Variants in FOXK2 observed in about 807,000 individuals in gnomAD.
The protein encoded by FOXK2 is forkhead box K2, also known as forkhead box protein K2.
Under a neutral mutation model 53.3 loss-of-function variants are expected in FOXK2, and 24 were observed. That is an observed-to-expected ratio of 0.45 (90% CI 0.33 to 0.63). The LOEUF (loss-of-function observed/expected upper bound fraction) is 0.63. Ranked by LOEUF, FOXK2 falls within the 30% of genes least tolerant of loss-of-function variation. The pLI is 0.03. For synonymous variants in FOXK2, 505 were observed against 407.1 expected (o/e 1.24, Z -2.89); for missense variants, 952 against 910.5 (o/e 1.05, Z -0.59).
intron 7 of FOXK2, 98 bp from the exon 8 acceptor site, chr17:82,586,965 G>T (rs1306021822): frequency 1.2e-5 from 13 of 1,051,306 alleles, no homozygotes; most frequent in Non-Finnish European, 1.5e-6. Context: ...ACATTTTCTA[G>T]CAGGTGTGAT....
chr17:82,595,852 C>G (rs964083009), intron 8 of FOXK2: 1 of 1,289,224 alleles, frequency 7.8e-7, no homozygotes, highest in Non-Finnish European at 1.0e-6. Flanking sequence ...ACAGCAGGCC[C>G]CATCCAGACA....
intron 1 of FOXK2, among the ~76,000 whole-genome samples, chr17:82,561,469 G>A (rs1051458697): frequency 3.3e-5 from 5 of 152,096 alleles, no homozygotes; most frequent in African/African-American, 4.8e-5. Context: ...AACATCGGGC[G>A]GTAAAGAGAG....
chr17:82,554,410 G>A (rs2044704132), intron 1 of FOXK2, among the ~76,000 whole-genome samples: 1 of 152,172 alleles, frequency 6.6e-6, no homozygotes, highest in Non-Finnish European at 1.5e-5. Context: ...CCTGCACGTT[G>A]CATTTGTAAT....
chr17:82,556,187 T>C (rs949141876), intron 1 of FOXK2, among the ~76,000 whole-genome samples: 4 of 152,136 alleles, frequency 2.6e-5, no homozygotes, highest in Admixed American at 6.6e-5. Flanking sequence ...GGCTCACGCC[T>C]GTAATCCCAG....
chr17:82,548,147 CTACAAG>C (rs1356490474), intron 1 of FOXK2, among the ~76,000 whole-genome samples: 2 of 152,202 alleles, frequency 1.3e-5, no homozygotes, highest in Non-Finnish European at 2.9e-5. Context: ...TGGCAGATAA[CTACAAG>C]TACGAGTGGT....
In FOXK2 at chr17:82,585,957, C is replaced by G. The variant is rs1185183416; in HGVS notation, c.1333C>G (p.Gln445Glu). ...VLITVQRQLPQAIKPVTYTVA... is the reference protein window; with the variant it reads ...VLITVQRQLPEAIKPVTYTVA... ...AATCACCGTCCAGCGGCAGCTACCA[C>G]AGGCCATCAAGCCTGTCACCTACAC... is the stretch of plus-strand genomic sequence containing the variant. The change falls in exon 7 of 9, where the codon CAG becomes GAG. Residue 445 changes from glutamine to glutamate, a missense_variant. Transcript: ENST00000335255. 3.7e-6 allele frequency: 6 copies of G among 1,612,648 alleles called. No individual in the cohort carries two copies. The highest frequency in any genetic ancestry group is 1.3e-5 in the African/African-American group (1 of 74,934).
chr17:82,587,579 G>C, intron 8 of FOXK2: 3 of 421,344 alleles, frequency 7.1e-6, no homozygotes, highest in South Asian at 6.6e-5. Context: ...GGCGGGAGCC[G>C]CCGCGTGTCT....
intron 2 of FOXK2, among the ~76,000 whole-genome samples, chr17:82,563,750 C>CTT (rs1567975420): frequency 0.015 from 1,444 of 94,560 alleles, 88 homozygotes; most frequent in African/African-American, 0.059. Flanking sequence ...TTACTCATTC[C>CTT]CTTTTTTTTT....
At chr17:82,587,711 C>G (rs1040476579) in intron 8 of FOXK2, 4 of 263,924 alleles carry the variant, frequency 1.5e-5, no homozygotes, top group African/African-American at 8.8e-5. Context: ...CACAGAAAAC[C>G]GCACGGATGT....
rs149441840 is a variant in FOXK2, at chr17:82,544,793, G to A, written c.420-18561G>A. On this transcript the variant is annotated intron_variant, in intron 1 of 8. Transcript: ENST00000335255. ...GGGGTGTGCAGAGTGAAGTGCTGGCGGGTGGCCGTCCTCAGTGGCTTTGGG... is the reference window on the plus strand; with the variant it reads ...GGGGTGTGCAGAGTGAAGTGCTGGCAGGTGGCCGTCCTCAGTGGCTTTGGG... Among the ~76,000 whole-genome samples, 559 of 152,060 alleles carry A rather than the reference G, an allele frequency of 3.7e-3. 4 individuals carry two copies. The highest frequency in any genetic ancestry group is 0.013 in the African/African-American group (532 of 41,482).
intron 1 of FOXK2, among the ~76,000 whole-genome samples, chr17:82,524,303 T>C (rs2044396496): frequency 6.6e-6 from 1 of 152,214 alleles, no homozygotes; most frequent in South Asian, 2.1e-4. Flanking sequence ...TGAACCACAA[T>C]GATTTTATTC....
chr17:82,542,192 G>C (rs1008105868), intron 1 of FOXK2, among the ~76,000 whole-genome samples: 1 of 120,374 alleles, frequency 8.3e-6, no homozygotes. Flanking sequence ...AGACAGTTTC[G>C]TTCTTGTCGC....
chr17:82,533,065 A>G (rs1481773913), intron 1 of FOXK2, among the ~76,000 whole-genome samples: 2 of 152,216 alleles, frequency 1.3e-5, no homozygotes, highest in Non-Finnish European at 2.9e-5. Context: ...TAGGGGAAGT[A>G]ACGTGCATGG....
chr17:82,571,202 A>G (rs1161764268), intron 3 of FOXK2, among the ~76,000 whole-genome samples: 1 of 152,070 alleles, frequency 6.6e-6, no homozygotes, highest in East Asian at 1.9e-4. Context: ...TTATGTCTTC[A>G]TTTTTGACAT....
At chr17:82,541,421 C>T (rs577726972) in intron 1 of FOXK2, among the ~76,000 whole-genome samples, 3 of 151,536 alleles carry the variant, frequency 2.0e-5, no homozygotes, top group East Asian at 2.0e-4. Context: ...TACAGGCGCC[C>T]GCCATCACGC....
At chr17:82,535,108 G>A (rs2144059634) in intron 1 of FOXK2, among the ~76,000 whole-genome samples, 1 of 152,296 alleles carries the variant, frequency 6.6e-6, no homozygotes, top group East Asian at 1.9e-4. Context: ...TCGAACTCCT[G>A]ACCTCAGCTT....
At chr17:82,566,462 G>C (rs1300650129) in intron 2 of FOXK2, among the ~76,000 whole-genome samples, 1 of 152,096 alleles carries the variant, frequency 6.6e-6, no homozygotes, top group Non-Finnish European at 1.5e-5. Flanking sequence ...ATAACTGAGT[G>C]GGCCAAATAG....
intron 4 of FOXK2, chr17:82,577,362 G>T: frequency 1.6e-6 from 1 of 631,926 alleles, no homozygotes; most frequent in South Asian, 1.6e-5. Flanking sequence ...GAGAAAGACA[G>T]CACAAAGCTC....
At chr17:82,596,194 C>G in intron 8 of FOXK2, 1 of 994,952 alleles carries the variant, frequency 1.0e-6, no homozygotes, top group African/African-American at 1.7e-5. Flanking sequence ...AACTGCAGGT[C>G]AGTTCCTGCT....
Sources: allele counts gnomAD v4.1 joint callset (sites outside exome capture counted in the v4.1 genomes callset), GRCh38; gene constraint gnomAD v4.1.1; transcripts MANE v1.5; gene names NCBI Gene and HGNC (gene_info 2026-07-23, HGNC 2026-07-21).